Variants in HAO1 observed in about 807,000 individuals in gnomAD.
HAO1 encodes the protein hydroxyacid oxidase 1.
A neutral mutation model predicts 39.7 loss-of-function variants in HAO1; 34 were observed. The observed-to-expected ratio is 0.86, with a 90% CI of 0.65 to 1.14. The LOEUF (loss-of-function observed/expected upper bound fraction) is 1.14, where lower values mean the gene tolerates loss of function less well. HAO1 is among the 50% of genes most tolerant of loss of function. HAO1 has a pLI of 0.00. For synonymous variants in HAO1, 172 were observed against 173.2 expected (o/e 0.99, Z 0.05); for missense variants, 479 against 464.5 (o/e 1.03, Z -0.29).
intron 4 of HAO1, 22 bp from the exon 5 acceptor site, chr20:7,895,246 C>G (rs199701687): frequency 6.7e-6 from 10 of 1,498,844 alleles, no homozygotes; most frequent in African/African-American, 1.4e-5. Context: ...AAAACAAGCA[C>G]CTTAGGGAAA....
At position 7,940,318 on chromosome 20, in the gene HAO1, T is replaced by G; in HGVS notation, c.105A>C (p.Glu35Asp). Reference protein sequence around the residue: ...DYYRSGANDEETLADNIAAFS... With the variant: ...DYYRSGANDEDTLADNIAAFS... ...ATGCTGCAATATTATCAGCCAAAGT[T>G]TCTTCATCATTTGCCCCAGACCTGT... Residue 35 changes from glutamate to aspartate, a missense_variant, in exon 1 of 8, where the codon GAA becomes GAC. Coordinates refer to ENST00000378789, the MANE Select transcript of HAO1 (RefSeq NM_017545.3). 1.9e-6 allele frequency: 3 copies of G among 1,607,192 alleles called. No individual in the cohort carries two copies. Among genetic ancestry groups the G allele is most frequent in the Non-Finnish European group, 1.7e-6 (2 of 1,177,998 alleles).
chr20:7,893,125 G>T (rs2050181647), intron 5 of HAO1, among the ~76,000 whole-genome samples: 1 of 152,102 alleles, frequency 6.6e-6, no homozygotes, highest in Non-Finnish European at 1.5e-5. Flanking sequence ...TAATAGTCAA[G>T]GATCTCCTTC....
chr20:7,932,184 C>T lies in HAO1; in HGVS notation c.289+2300G>A, dbSNP rs367885761. On this transcript the variant is annotated intron_variant, in intron 2 of 7. Coordinates refer to ENST00000378789, the MANE Select transcript of HAO1 (RefSeq NM_017545.3). ...GAAGAAGGTCGTTCCTTCCCCTTTG[C>T]CTTCCACCATGATTGTAAGTTTCCT... Among the ~76,000 whole-genome samples the T allele has an allele frequency of 6.2e-4, 94 of 152,262 alleles. 1 individual carries two copies. The South Asian group carries it at 0.018, about 29-fold the overall frequency.
At chr20:7,922,322 A>G (rs1008400524) in intron 2 of HAO1, among the ~76,000 whole-genome samples, 9 of 152,142 alleles carry the variant, frequency 5.9e-5, no homozygotes, top group African/African-American at 1.2e-4. Flanking sequence ...GATGCAAAGA[A>G]AAGGGAACCC....
intron 2 of HAO1, among the ~76,000 whole-genome samples, chr20:7,930,685 A>G (rs2050381651): frequency 6.6e-6 from 1 of 152,192 alleles, no homozygotes; most frequent in Non-Finnish European, 1.5e-5. Flanking sequence ...CTGGGTGACC[A>G]TATTAGAAAA....
chr20:7,883,672 A>C lies in HAO1; in HGVS notation c.1043-9T>G, dbSNP rs2050138390. On this transcript the variant is annotated splice_polypyrimidine_tract_variant and intron_variant, in intron 7 of 7. Coordinates refer to ENST00000378789, the MANE Select transcript of HAO1 (RefSeq NM_017545.3). ...TTTCACATTCTGGCACCCTGAAAAA[A>C]TAATGCATACATTTAATATGAACTG... The C allele has an allele frequency of 1.3e-5, 20 of 1,581,212 alleles. No individual in the cohort carries two copies. The highest frequency in any genetic ancestry group is 1.7e-5 in the Non-Finnish European group (19 of 1,150,048).
At chr20:7,936,547 T>TGTGTGTGC (rs751822933) in intron 1 of HAO1, among the ~76,000 whole-genome samples, 5 of 136,738 alleles carry the variant, frequency 3.7e-5, no homozygotes, top group African/African-American at 1.4e-4. Context: ...TGTGTGTGTG[T>TGTGTGTGC]TCGCGCGCGC....
At chr20:7,893,187 AC>A (rs1160935875) in intron 5 of HAO1, among the ~76,000 whole-genome samples, 2 of 152,080 alleles carry the variant, frequency 1.3e-5, no homozygotes, top group Non-Finnish European at 1.5e-5. Context: ...TCCCACTGAA[AC>A]CGCCTTTGCA....
chr20:7,934,757 G>T, intron 1 of HAO1, 122 bp from the exon 2 acceptor site: 1 of 597,540 alleles, frequency 1.7e-6, no homozygotes, highest in South Asian at 2.6e-5. Flanking sequence ...ACAAGCAAAT[G>T]ACTTCATAAA....
In HAO1 at chr20:7,907,152, C is replaced by T. The variant is rs1349339830; in HGVS notation, c.546-823G>A. On this transcript the variant is annotated intron_variant, in intron 3 of 7. Transcript: ENST00000378789. ...GATGAGTTGTCACCTCTTGCCTTTCCCTCCCCCTTTTAGTTGTTCTCTCTG... is the reference window on the plus strand; with the variant it reads ...GATGAGTTGTCACCTCTTGCCTTTCTCTCCCCCTTTTAGTTGTTCTCTCTG... 2.6e-5 allele frequency among the ~76,000 whole-genome samples: 4 copies of T among 152,208 alleles called. No individual in the cohort carries two copies. The East Asian group carries it at 7.7e-4, about 29-fold the overall frequency.
intron 3 of HAO1, among the ~76,000 whole-genome samples, chr20:7,908,751 C>G (rs989329751): frequency 6.6e-6 from 1 of 152,036 alleles, no homozygotes; most frequent in African/African-American, 2.4e-5. Flanking sequence ...AGCTGAAATG[C>G]CTGGTCTTTC....
intron 2 of HAO1, among the ~76,000 whole-genome samples, chr20:7,928,019 A>C (rs1298950499): frequency 6.6e-6 from 1 of 152,242 alleles, no homozygotes; most frequent in Non-Finnish European, 1.5e-5. Context: ...TGCGTGGCAC[A>C]TACTAATTGC....
chr20:7,885,470 G>A, intron 7 of HAO1, 51 bp downstream of exon 7: 7 of 1,180,892 alleles, frequency 5.9e-6, no homozygotes, highest in African/African-American at 4.5e-5. Flanking sequence ...CAAGGACCTT[G>A]ACTTAAAGAT....
intron 3 of HAO1, among the ~76,000 whole-genome samples, chr20:7,912,300 G>A (rs1410155597): frequency 7.2e-5 from 11 of 152,112 alleles, no homozygotes; most frequent in African/African-American, 2.7e-4. Flanking sequence ...AGAAGCAAGA[G>A]GTACCTGCCA....
intron 2 of HAO1, 87 bp downstream of exon 2, chr20:7,934,397 A>G: frequency 1.0e-6 from 1 of 963,720 alleles, no homozygotes; most frequent in Non-Finnish European, 1.5e-6. Flanking sequence ...AAAAACATCA[A>G]GGAACATATT....
At chr20:7,889,116 G>A (rs2050162954) in intron 5 of HAO1, among the ~76,000 whole-genome samples, 1 of 152,170 alleles carries the variant, frequency 6.6e-6, no homozygotes, top group Non-Finnish European at 1.5e-5. Context: ...GTAAGTTTCA[G>A]AGTGGTTTGT....
intron 2 of HAO1, among the ~76,000 whole-genome samples, chr20:7,914,795 T>C (rs2050298973): frequency 6.6e-6 from 1 of 152,174 alleles, no homozygotes; most frequent in Non-Finnish European, 1.5e-5. Flanking sequence ...TTGTAGGTCA[T>C]ATATAAAATG....
At chr20:7,926,057 TTGTG>T (rs773207494) in intron 2 of HAO1, among the ~76,000 whole-genome samples, 6 of 150,944 alleles carry the variant, frequency 4.0e-5, no homozygotes, top group South Asian at 2.1e-4. Flanking sequence ...GGATGTGTGT[TTGTG>T]TGTGTGTGTG....
chr20:7,900,383 A>T (rs2050216264), intron 4 of HAO1, among the ~76,000 whole-genome samples: 1 of 152,136 alleles, frequency 6.6e-6, no homozygotes, highest in South Asian at 2.1e-4. Flanking sequence ...GGTATGTACA[A>T]TGCTCAAGTG....
Sources: allele counts gnomAD v4.1 joint callset (sites outside exome capture counted in the v4.1 genomes callset), GRCh38; gene constraint gnomAD v4.1.1; transcripts MANE v1.5; gene names NCBI Gene and HGNC (gene_info 2026-07-23, HGNC 2026-07-21).